The following CLPB variants were observed in gnomAD, a reference collection of about 807,000 sequenced individuals.
The protein encoded by CLPB is ClpB family mitochondrial disaggregase.
A neutral mutation model predicts 78.4 loss-of-function variants in CLPB; 40 were observed. The ratio of observed to expected loss-of-function variants is 0.51; its 90% CI spans 0.40 to 0.66. CLPB has a LOEUF of 0.66. Ranked by LOEUF, CLPB falls within the 30% of genes least tolerant of loss-of-function variation. The probability of loss-of-function intolerance (pLI) is 0.00; values close to 1 mark genes in which losing one functional copy is unlikely to be tolerated. For missense variants in CLPB, 780 were observed against 886.9 expected (o/e 0.88, Z 1.53); for synonymous variants, 333 against 348.0 (o/e 0.96, Z 0.48).
At chr11:72,354,215 A>T (rs1411439242) in intron 5 of CLPB, 1 of 384,968 alleles carries the variant, frequency 2.6e-6, no homozygotes, top group East Asian at 3.7e-5. Context: ...TTCTCCTTTG[A>T]AGCACATACA....
chr11:72,414,618 G>A (rs958319648), intron 2 of CLPB, among the ~76,000 whole-genome samples: 3 of 152,178 alleles, frequency 2.0e-5, no homozygotes, highest in African/African-American at 7.2e-5. Context: ...CCTCTGTGTT[G>A]GGCATTGACA....
intron 9 of CLPB, among the ~76,000 whole-genome samples, chr11:72,305,864 T>C (rs1000291953): frequency 2.0e-5 from 3 of 152,238 alleles, no homozygotes; most frequent in Non-Finnish European, 4.4e-5. Context: ...TGAAGACAGC[T>C]TGGATAAGGA....
intron 9 of CLPB, 69 bp downstream of exon 9, chr11:72,307,130 A>AT (rs1949759947): frequency 3.5e-6 from 5 of 1,434,594 alleles, no homozygotes; most frequent in Non-Finnish European, 4.9e-6. Context: ...AGAGGGTCAG[A>AT]TTTTTTGGGA....
intron 5 of CLPB, among the ~76,000 whole-genome samples, chr11:72,345,287 A>C (rs1348716707): frequency 6.6e-6 from 1 of 152,258 alleles, no homozygotes; most frequent in African/African-American, 2.4e-5. Flanking sequence ...TCAAGGTCCA[A>C]GTATAGAATA....
intron 3 of CLPB, among the ~76,000 whole-genome samples, chr11:72,399,950 G>A (rs1257675048): frequency 2.0e-5 from 3 of 152,078 alleles, no homozygotes; most frequent in African/African-American, 7.2e-5. Context: ...CTACTCACAG[G>A]GCACCTTAAC....
intron 2 of CLPB, among the ~76,000 whole-genome samples, chr11:72,408,666 C>CAAAAAAAAAAAA (rs576990524): frequency 1.6e-5 from 1 of 64,272 alleles, no homozygotes; most frequent in African/African-American, 4.6e-5. Flanking sequence ...GACTCTGTCT[C>CAAAAAAAAAAAA]AAAAAAAAAA....
intron 6 of CLPB, among the ~76,000 whole-genome samples, chr11:72,327,505 C>T (rs1950152389): frequency 6.6e-6 from 1 of 152,238 alleles, no homozygotes. Context: ...CTTCAAGCCA[C>T]TTCCCTTGGG....
At position 72,412,155 on chromosome 11, in the gene CLPB, G is replaced by C. The variant is rs530872700; in HGVS notation, c.456-9103C>G. ...GCCTGGGACAGCAGACTTCAGGCAG[G>C]GTCTTGGTGCTTCAACTCCATAGAC... On this transcript the variant is annotated intron_variant, in intron 2 of 15. Transcript: ENST00000538039. 4 of 152,408 alleles carry C rather than the reference G, an allele frequency of 2.6e-5. No individual in the cohort carries two copies. The South Asian group carries it at 8.3e-4, about 32-fold the overall frequency. The allele number at this position is 152,408 out of a possible 1,614,324, so 9.4% of individuals were successfully genotyped here.
intron 3 of CLPB, among the ~76,000 whole-genome samples, chr11:72,381,804 C>T (rs1030323094): frequency 1.3e-5 from 2 of 152,128 alleles, no homozygotes; most frequent in African/African-American, 4.8e-5. Context: ...TGGCCTTAGG[C>T]ACTGGGCCAG....
intron 6 of CLPB, among the ~76,000 whole-genome samples, chr11:72,324,178 C>T (rs1950092789): frequency 6.6e-6 from 1 of 151,880 alleles, no homozygotes; most frequent in Non-Finnish European, 1.5e-5. Flanking sequence ...TAGTCTGTTT[C>T]TTAATAAGGT....
At chr11:72,339,628 T>C (rs985404133) in intron 5 of CLPB, among the ~76,000 whole-genome samples, 8 of 152,068 alleles carry the variant, frequency 5.3e-5, no homozygotes, top group African/African-American at 1.9e-4. Context: ...TTCAAAGATA[T>C]TTTTTTGAGT....
At chr11:72,356,476 G>A (rs1011354450) in intron 5 of CLPB, among the ~76,000 whole-genome samples, 1 of 151,804 alleles carries the variant, frequency 6.6e-6, no homozygotes, top group African/African-American at 2.4e-5. Context: ...GGAGGTCAAG[G>A]GGGAAGGGAG....
At chr11:72,411,401 C>T (rs1855872284) in intron 2 of CLPB, among the ~76,000 whole-genome samples, 2 of 152,208 alleles carry the variant, frequency 1.3e-5, no homozygotes, top group South Asian at 4.1e-4. Flanking sequence ...CCAGTCATGG[C>T]TCTATCACTT....
intron 2 of CLPB, among the ~76,000 whole-genome samples, chr11:72,414,305 G>T (rs1031183354): frequency 5.9e-5 from 9 of 152,146 alleles, no homozygotes; most frequent in African/African-American, 2.2e-4. Context: ...GAGAAGGAAA[G>T]GCCTGTGCAG....
At position 72,312,926 on chromosome 11, in the gene CLPB, G is replaced by A. The variant is rs1949873444; in HGVS notation, c.988+4180C>T. On this transcript the variant is annotated intron_variant, in intron 7 of 15. Transcript: ENST00000538039. The surrounding 1 kb of genome is among the most constrained non-coding windows in gnomAD (Gnocchi z 4.2). Reference sequence around the variant, plus strand: ...GGCCTGACATTTGTGCTTGAAGGGTGAGAGGGAGATTGCCAGCCACTTGCA... The same window carrying A: ...GGCCTGACATTTGTGCTTGAAGGGTAAGAGGGAGATTGCCAGCCACTTGCA... 6.6e-6 allele frequency among the ~76,000 whole-genome samples: 1 copy of A among 152,174 alleles called. No homozygotes were observed. Among genetic ancestry groups the A allele is most frequent in the Admixed American group, 6.5e-5 (1 of 15,282 alleles).
chr11:72,353,488 C>T (rs1342711304), intron 5 of CLPB, among the ~76,000 whole-genome samples: 1 of 152,164 alleles, frequency 6.6e-6, no homozygotes, highest in Non-Finnish European at 1.5e-5. Context: ...AGGGGATCAG[C>T]AAAGAGTAGA....
intron 5 of CLPB, among the ~76,000 whole-genome samples, chr11:72,339,995 G>A (rs1950390140): frequency 6.6e-6 from 1 of 152,134 alleles, no homozygotes; most frequent in Non-Finnish European, 1.5e-5. Flanking sequence ...CTTGAGTTTT[G>A]GTCTTTGGCT....
At chr11:72,432,079 C>G (rs1201329000) in intron 1 of CLPB, among the ~76,000 whole-genome samples, 3 of 152,180 alleles carry the variant, frequency 2.0e-5, no homozygotes, top group Non-Finnish European at 4.4e-5. Flanking sequence ...TCACCTACCC[C>G]ACCCCTGACT....
At chr11:72,321,766 T>C (rs1950048021) in intron 6 of CLPB, among the ~76,000 whole-genome samples, 1 of 152,130 alleles carries the variant, frequency 6.6e-6, no homozygotes, top group Non-Finnish European at 1.5e-5. Context: ...AAGCTGCAGT[T>C]TGCCTCTCAA....
Sources: allele counts gnomAD v4.1 joint callset (sites outside exome capture counted in the v4.1 genomes callset), GRCh38; gene constraint gnomAD v4.1.1; non-coding constraint Gnocchi (gnomAD v3.1); transcripts MANE v1.5; gene names NCBI Gene and HGNC (gene_info 2026-07-23, HGNC 2026-07-21).